Variants in CNTNAP2 observed in about 807,000 individuals in gnomAD.
CNTNAP2 encodes the protein contactin associated protein 2.
In CNTNAP2, 98 loss-of-function variants were observed where a neutral mutation model predicts 155.2. The observed-to-expected ratio is 0.63, with a 90% CI of 0.54 to 0.75. The LOEUF (loss-of-function observed/expected upper bound fraction) is 0.75. Among genes scored for constraint, CNTNAP2 ranks in the 30% least tolerant of loss-of-function variants. CNTNAP2 has a pLI of 0.00. For synonymous variants in CNTNAP2, 651 were observed against 631.2 expected, an observed-to-expected ratio of 1.03 and a Z score of -0.47; for missense variants, 1,727 against 1,688.1, an observed-to-expected ratio of 1.02 and a Z score of -0.40.
chr7:148,140,195 G>A (rs924811887), intron 16 of CNTNAP2, among the ~76,000 whole-genome samples: 52 of 152,244 alleles, frequency 3.4e-4, no homozygotes, highest in African/African-American at 1.0e-3. Flanking sequence ...TTCCTGGAAC[G>A]GGTGTGTAAC....
At chr7:147,684,308 G>A (rs1795989505) in intron 13 of CNTNAP2, among the ~76,000 whole-genome samples, 1 of 151,690 alleles carries the variant, frequency 6.6e-6, no homozygotes, top group Non-Finnish European at 1.5e-5. Context: ...ATAGCTTGTT[G>A]GTATGCTTTA....
chr7:148,223,946 G>A (rs1260197994), intron 19 of CNTNAP2, among the ~76,000 whole-genome samples: 1 of 152,164 alleles, frequency 6.6e-6, no homozygotes, highest in Non-Finnish European at 1.5e-5. Context: ...CGACCTCTAG[G>A]CCTCTGTGTG....
At chr7:146,363,752 T>A (rs1356488663) in intron 1 of CNTNAP2, among the ~76,000 whole-genome samples, 1 of 152,120 alleles carries the variant, frequency 6.6e-6, no homozygotes, top group East Asian at 1.9e-4. Flanking sequence ...CAAGGGTGGA[T>A]GAGAGAGAAT....
chr7:146,584,647 T>C (rs1318672210), intron 1 of CNTNAP2, among the ~76,000 whole-genome samples: 1 of 152,122 alleles, frequency 6.6e-6, no homozygotes, highest in African/African-American at 2.4e-5. Context: ...ATAAGCTCTC[T>C]TGTTGTAGTA....
At chr7:146,969,569 C>T (rs1489783413) in intron 3 of CNTNAP2, among the ~76,000 whole-genome samples, 1 of 152,116 alleles carries the variant, frequency 6.6e-6, no homozygotes, top group Admixed American at 6.5e-5. Context: ...TATGTAATGG[C>T]CTTCTTTGTC....
At chr7:147,185,493 A>G (rs1802546035) in intron 8 of CNTNAP2, among the ~76,000 whole-genome samples, 2 of 152,184 alleles carry the variant, frequency 1.3e-5, no homozygotes, top group African/African-American at 2.4e-5. Context: ...ATATCATTAT[A>G]CTATCAGCAG....
chr7:147,393,772 A>G (rs2116449812), intron 9 of CNTNAP2, among the ~76,000 whole-genome samples: 1 of 152,022 alleles, frequency 6.6e-6, no homozygotes, highest in Middle Eastern at 3.4e-3. Flanking sequence ...GTAGAGCCTT[A>G]CATGGATTTT....
At chr7:147,410,965 G>C (rs760266261) in intron 10 of CNTNAP2, among the ~76,000 whole-genome samples, 1 of 152,108 alleles carries the variant, frequency 6.6e-6, no homozygotes, top group Non-Finnish European at 1.5e-5. Flanking sequence ...TGTTGGTCTT[G>C]TCCACAGATG....
At position 146,534,993 on chromosome 7, in the gene CNTNAP2, G is replaced by A. The variant is rs1457982772; in HGVS notation, c.98-239278G>A. Among the ~76,000 whole-genome samples the A allele has an allele frequency of 3.6e-5, 5 of 138,044 alleles. No homozygotes were observed. In the South Asian group the frequency reaches 6.9e-4, roughly 19 times the overall value. 90.6% of individuals were successfully genotyped at this position (138,044 alleles called of 152,430 possible). A position where few individuals can be genotyped will look rare whatever the true frequency, so the allele number is the denominator to read the frequency against. On this transcript the variant is annotated intron_variant, in intron 1 of 23. Transcript: ENST00000361727. ...AATTCTATAGTTAATGTACACACAC[G>A]CTCATACACAATTAGGCGTGCCATG... is the stretch of plus-strand genomic sequence containing the variant.
chr7:148,028,653 G>A (rs931646796), intron 15 of CNTNAP2, among the ~76,000 whole-genome samples: 2 of 152,144 alleles, frequency 1.3e-5, no homozygotes, highest in African/African-American at 4.8e-5. Context: ...AATAAAGTGA[G>A]ACACAACCTG....
chr7:146,875,788 A>G (rs1305486617), intron 3 of CNTNAP2, among the ~76,000 whole-genome samples: 1 of 151,484 alleles, frequency 6.6e-6, no homozygotes, highest in Non-Finnish European at 1.5e-5. Context: ...GCTCATGCCT[A>G]TGATCCCAGC....
intron 14 of CNTNAP2, among the ~76,000 whole-genome samples, chr7:147,964,295 C>T (rs1024831771): frequency 6.6e-6 from 1 of 152,132 alleles, no homozygotes; most frequent in African/African-American, 2.4e-5. Context: ...TCGTCTAAGC[C>T]ACCCGATCCA....
chr7:146,220,693 T>A (rs918674265), intron 1 of CNTNAP2, among the ~76,000 whole-genome samples: 37 of 152,268 alleles, frequency 2.4e-4, no homozygotes, highest in African/African-American at 8.2e-4. Context: ...ATATATAATA[T>A]CTGATTAATA....
At chr7:148,038,014 G>A (rs1477136490) in intron 15 of CNTNAP2, among the ~76,000 whole-genome samples, 1 of 152,122 alleles carries the variant, frequency 6.6e-6, no homozygotes, top group Non-Finnish European at 1.5e-5. Context: ...ATGGATAAGG[G>A]GGAAACTACT....
In CNTNAP2 at chr7:146,339,997, G is replaced by C. The variant is rs546766160; in HGVS notation, c.97+223024G>C. Among the ~76,000 whole-genome samples, 218 of 151,756 alleles carry C rather than the reference G, an allele frequency of 1.4e-3. 1 individual carries two copies. The highest frequency in any genetic ancestry group is 5.1e-3 in the African/African-American group (212 of 41,444). On this transcript the variant is annotated intron_variant, in intron 1 of 23. Transcript: ENST00000361727. The stretch of plus-strand genomic sequence containing the variant: ...CATCCGGCTAACACGGTGAAACCCC[G>C]TCTCTACTAGAAATACAAAAAATTA...
At chr7:146,603,627 C>T (rs1490344398) in intron 1 of CNTNAP2, among the ~76,000 whole-genome samples, 1 of 150,728 alleles carries the variant, frequency 6.6e-6, no homozygotes, top group Non-Finnish European at 1.5e-5. Flanking sequence ...CAACCCTAAG[C>T]CAAAAGAACA....
chr7:147,276,826 T>C (rs186761489), intron 8 of CNTNAP2, among the ~76,000 whole-genome samples: 124 of 150,036 alleles, frequency 8.3e-4, no homozygotes, highest in African/African-American at 2.1e-3. Context: ...CTGCGTTCAA[T>C]TGACAAAAAA....
At chr7:147,615,811 A>G (rs959541898) in intron 12 of CNTNAP2, among the ~76,000 whole-genome samples, 11 of 152,148 alleles carry the variant, frequency 7.2e-5, no homozygotes, top group Admixed American at 2.0e-4. Context: ...TACTTTCGAT[A>G]AATTCAATAA....
chr7:147,238,135 C>A (rs1382849046), intron 8 of CNTNAP2, among the ~76,000 whole-genome samples: 3 of 152,188 alleles, frequency 2.0e-5, no homozygotes, highest in Non-Finnish European at 4.4e-5. Context: ...CTGCCTCGGC[C>A]TCCCGAGTAG....
Sources: gnomAD v4.1 joint callset for allele counts (sites outside exome capture counted in the v4.1 genomes callset) on GRCh38, gnomAD v4.1.1 for gene constraint, MANE v1.5 for transcripts, NCBI Gene and HGNC (gene_info 2026-07-23, HGNC 2026-07-21) for gene names.